Variants in ROBO2 observed in about 807,000 individuals in gnomAD.
The protein encoded by ROBO2 is roundabout homolog 2.
In ROBO2, 53 loss-of-function variants were observed where a neutral mutation model predicts 160.8. The ratio of observed to expected loss-of-function variants is 0.33; its 90% confidence interval spans 0.26 to 0.41. The LOEUF is 0.41. Among genes scored for constraint, ROBO2 ranks in the 10% least tolerant of loss-of-function variants. The pLI, the probability that ROBO2 is intolerant of heterozygous loss-of-function variation, is 1.00. For missense variants in ROBO2, 1,577 were observed against 1,722.4 expected, an observed-to-expected ratio of 0.92 and a Z score of 1.49; for synonymous variants, 664 against 611.7, an observed-to-expected ratio of 1.09 and a Z score of -1.26.
intron 20 of ROBO2, among the ~76,000 whole-genome samples, 176 bp downstream of exon 21, chr3:77,602,667 A>ACCACCACCGCCACCT (rs2094453798): frequency 7.9e-6 from 1 of 126,762 alleles, no homozygotes; most frequent in Admixed American, 8.3e-5. Flanking sequence ...CACCGCCACC[A>ACCACCACCGCCACCT]CCACCACCAC....
chr3:76,175,577 A>T (rs946402400), intron 2 of ROBO2, among the ~76,000 whole-genome samples: 1 of 151,954 alleles, frequency 6.6e-6, no homozygotes. Context: ...GATGGTCAAA[A>T]TTTTTTTCTA....
intron 2 of ROBO2, among the ~76,000 whole-genome samples, chr3:76,590,602 G>T (rs2086354283): frequency 6.6e-6 from 1 of 152,046 alleles, no homozygotes; most frequent in South Asian, 2.1e-4. Flanking sequence ...TAAATTTTTG[G>T]TGTTGTTTGT....
intron 2 of ROBO2, among the ~76,000 whole-genome samples, chr3:76,453,756 G>T (rs1270525178): frequency 6.6e-6 from 1 of 152,100 alleles, no homozygotes; most frequent in Admixed American, 6.5e-5. Context: ...AAAACAAAAG[G>T]TTACCCTAAG....
intron 2 of ROBO2, among the ~76,000 whole-genome samples, chr3:76,044,903 G>C (rs1463997771): frequency 6.6e-6 from 1 of 152,000 alleles, no homozygotes; most frequent in Non-Finnish European, 1.5e-5. Context: ...GTCCTAGGCA[G>C]AGATAAATAG....
chr3:77,459,398 C>T (rs75101471), intron 2 of ROBO2, among the ~76,000 whole-genome samples: 1,671 of 152,244 alleles, frequency 0.011, 32 homozygotes, highest in African/African-American at 0.036. Flanking sequence ...AATTGAAATT[C>T]GTTATTCATC....
Position 76,486,528 on chromosome 3 carries a change from T to G in ROBO2, c.109+548926T>G, listed in dbSNP as rs149218915. Among the ~76,000 whole-genome samples, 47 of 152,200 alleles carry G rather than the reference T, an allele frequency of 3.1e-4. No homozygotes were observed. The East Asian group carries it at 8.9e-3, about 29-fold the overall frequency. ...TCTTTGCAGGATTTCTAACAAATAT[T>G]TTTTTCCAAAAAAATGTTTACTCAG... On this transcript the variant is annotated intron_variant, in intron 2 of 26. Coordinates refer to the ROBO2 transcript ENST00000487694.
At chr3:77,021,803 G>T (rs1260518732) in intron 2 of ROBO2, among the ~76,000 whole-genome samples, 1 of 152,082 alleles carries the variant, frequency 6.6e-6, no homozygotes, top group East Asian at 1.9e-4. Flanking sequence ...AATGAATTTA[G>T]CCCCCTTCCT....
intron 2 of ROBO2, among the ~76,000 whole-genome samples, chr3:76,021,019 CTT>C (rs2066560503): frequency 6.6e-6 from 1 of 151,806 alleles, no homozygotes; most frequent in Admixed American, 6.6e-5. Flanking sequence ...CTCTCTCTCT[CTT>C]TCTTCATCCT....
chr3:76,679,410 C>T (rs752337176), intron 2 of ROBO2, among the ~76,000 whole-genome samples: 4 of 151,970 alleles, frequency 2.6e-5, no homozygotes, highest in Non-Finnish European at 5.9e-5. Flanking sequence ...ATCTGAGTTA[C>T]ACTGAACTTT....
chr3:77,530,443 T>C (rs1193637712), intron 6 of ROBO2, among the ~76,000 whole-genome samples: 1 of 151,980 alleles, frequency 6.6e-6, no homozygotes, highest in Non-Finnish European at 1.5e-5. Flanking sequence ...GTGCGATGCA[T>C]TTGTGTTAAA....
At chr3:77,282,871 A>G (rs1372426) in intron 2 of ROBO2, among the ~76,000 whole-genome samples, 46,351 of 151,694 alleles carry the variant, frequency 0.31, 8,512 homozygotes, top group Middle Eastern at 0.45. Flanking sequence ...TAGCATACAA[A>G]TAAAGTTTTT....
intron 5 of ROBO2, among the ~76,000 whole-genome samples, chr3:77,502,828 G>A (rs542424799): frequency 4.5e-4 from 69 of 152,188 alleles, no homozygotes; most frequent in Non-Finnish European, 9.0e-4. Flanking sequence ...GGATTTGGAC[G>A]TCCTCAGCTT....
At chr3:76,421,741 A>G (rs540178107) in intron 2 of ROBO2, among the ~76,000 whole-genome samples, 1 of 151,814 alleles carries the variant, frequency 6.6e-6, no homozygotes, top group East Asian at 1.9e-4. Context: ...AAAAAAGAAG[A>G]TGGCAATTTG....
At chr3:77,126,710 A>G (rs1034166972) in intron 2 of ROBO2, among the ~76,000 whole-genome samples, 4 of 136,756 alleles carry the variant, frequency 2.9e-5, no homozygotes, top group African/African-American at 1.4e-4. Context: ...ATATATATAT[A>G]TATTTTTTTT....
chr3:77,056,188 A>T (rs1473740834), intron 1 of ROBO2, among the ~76,000 whole-genome samples: 1 of 152,176 alleles, frequency 6.6e-6, no homozygotes, highest in Non-Finnish European at 1.5e-5. Flanking sequence ...GACTACAAAG[A>T]TCCACCACTG....
intron 22 of ROBO2, among the ~76,000 whole-genome samples, chr3:77,621,394 C>T (rs2094896884): frequency 6.6e-6 from 1 of 151,950 alleles, no homozygotes; most frequent in African/African-American, 2.4e-5. Context: ...TCACTGCACT[C>T]CATCCTGGGT....
chr3:76,435,033 G>A lies in ROBO2; in HGVS notation c.109+497431G>A, dbSNP rs878901834. ...TGTTTCCAACCTGGTGATTGAGGAT[G>A]CAGAGCTGAAACAAATGGCTTACAT... is the stretch of plus-strand genomic sequence containing the variant. On this transcript the variant is annotated intron_variant, in intron 2 of 26. Coordinates refer to the ROBO2 transcript ENST00000487694. 61 of 1,311,440 alleles carry A rather than the reference G, an allele frequency of 4.7e-5. 1 individual carries two copies. The Middle Eastern group carries it at 5.5e-4, about 12-fold the overall frequency. The allele number at this position is 1,311,440 out of a possible 1,614,324, so 81.2% of individuals were successfully genotyped here.
intron 2 of ROBO2, among the ~76,000 whole-genome samples, chr3:76,862,678 A>T (rs2070919565): frequency 6.6e-6 from 1 of 152,076 alleles, no homozygotes; most frequent in Admixed American, 6.5e-5. Context: ...AGATCTTATG[A>T]CTTGCTTCCA....
At chr3:77,143,490 C>G (rs963368188) in intron 2 of ROBO2, among the ~76,000 whole-genome samples, 2 of 152,114 alleles carry the variant, frequency 1.3e-5, no homozygotes, top group East Asian at 3.9e-4. Context: ...GCCACTGCGT[C>G]CGGCCCCACA....
Sources: allele counts gnomAD v4.1 joint callset (sites outside exome capture counted in the v4.1 genomes callset), GRCh38; gene constraint gnomAD v4.1.1; transcripts MANE v1.5; gene names NCBI Gene and HGNC (gene_info 2026-07-23, HGNC 2026-07-21).